The following EBNA1BP2 variants were observed in gnomAD, a reference collection of about 807,000 sequenced individuals.
EBNA1BP2 encodes the protein EBNA1 binding protein 2, also known as probable rRNA-processing protein EBP2.
A neutral mutation model predicts 43.5 loss-of-function variants in EBNA1BP2; 36 were observed. The observed-to-expected ratio is 0.83, with a 90% CI of 0.63 to 1.09. The LOEUF (loss-of-function observed/expected upper bound fraction) is 1.09. Among genes scored for constraint, EBNA1BP2 ranks in the 50% least tolerant of loss-of-function variants. The pLI is 0.00. For synonymous variants in EBNA1BP2, 127 were observed against 141.3 expected (o/e 0.90, Z 0.72); for missense variants, 332 against 379.1 (o/e 0.88, Z 1.03).
chr1:43,166,729 G>A, intron 7 of EBNA1BP2, 97 bp downstream of exon 7: 1 of 1,252,452 alleles, frequency 8.0e-7, no homozygotes, highest in Non-Finnish European at 1.1e-6. Context: ...TGGACTCTAT[G>A]GCTGCGCCGG....
intron 3 of EBNA1BP2, 80 bp downstream of exon 3, chr1:43,171,399 G>T: frequency 6.6e-7 from 1 of 1,516,916 alleles, no homozygotes; most frequent in Non-Finnish European, 8.9e-7. Flanking sequence ...TATTCTGAGT[G>T]CAGACTTACT....
downstream of EBNA1BP2, chr1:43,164,180 G>C (rs1370599707): frequency 4.2e-6 from 2 of 481,672 alleles, no homozygotes; most frequent in Non-Finnish European, 7.5e-6. Flanking sequence ...GAAATGAGAA[G>C]GTGTCAGTTA....
At chr1:43,172,406 G>C (rs1644997601), upstream of EBNA1BP2, 1 of 1,551,486 alleles carries the variant, frequency 6.4e-7, no homozygotes, top group African/African-American at 1.4e-5. Flanking sequence ...CCTACAGGTA[G>C]CGCCTCTGGA....
Position 43,164,511 on chromosome 1 carries a change from C to A in EBNA1BP2, c.871-18G>T. The A allele has an allele frequency of 2.5e-6, 4 of 1,614,136 alleles. No individual in the cohort carries two copies. The highest frequency in any genetic ancestry group is 2.7e-5 in the African/African-American group (2 of 75,032). On this transcript the variant is annotated intron_variant, in intron 8 of 8. Transcript: ENST00000236051. Reference sequence around the variant, plus strand: ...GGTCTCTTCTACAGAAAAAGACATACCACATCTGGTCACATAGCAGCTTGC... The same window carrying A: ...GGTCTCTTCTACAGAAAAAGACATAACACATCTGGTCACATAGCAGCTTGC...
chr1:43,165,848 C>T (rs1237972397), intron 7 of EBNA1BP2, among the ~76,000 whole-genome samples: 1 of 152,196 alleles, frequency 6.6e-6, no homozygotes, highest in Non-Finnish European at 1.5e-5. Flanking sequence ...TACTTCTTCC[C>T]AAACCCAGCT....
intron 7 of EBNA1BP2, among the ~76,000 whole-genome samples, chr1:43,165,925 A>C (rs1397481552): frequency 1.3e-5 from 2 of 152,208 alleles, no homozygotes; most frequent in Non-Finnish European, 2.9e-5. Context: ...ACGCTCCTCC[A>C]GAAATCCACC....
In EBNA1BP2 at chr1:43,171,921, C is replaced by G. The variant is rs1055917335; in HGVS notation, c.115G>C (p.Val39Leu). Residue 39 changes from valine to leucine, a missense_variant, in exon 2 of 9, where the codon GTG (valine) becomes CTG (leucine). Coordinates refer to ENST00000236051, the MANE Select transcript of EBNA1BP2 (RefSeq NM_006824.3). ...RGLLKPGLNV[V>L]LEGPKKAVND... The stretch of plus-strand genomic sequence containing the variant: ...ACGGCCTTCTTCGGCCCCTCTAGCA[C>G]GACATTGAGGCCTGGCTTCAGAAGC... 5 of 1,614,144 alleles carry G rather than the reference C, an allele frequency of 3.1e-6. No homozygotes were observed. Among genetic ancestry groups the G allele is most frequent in the Admixed American group, 3.3e-5 (2 of 60,024 alleles).
Position 43,172,262 on chromosome 1 carries a change from C to A in EBNA1BP2, c.-144G>T, listed in dbSNP as rs1182557028. 5 of 1,554,658 alleles carry A rather than the reference C, an allele frequency of 3.2e-6. No individual in the cohort carries two copies. The highest frequency in any genetic ancestry group is 4.4e-6 in the Non-Finnish European group (5 of 1,148,338). On this transcript the variant is annotated 5_prime_UTR_variant, in exon 1 of 9. Transcript: ENST00000236051. The stretch of plus-strand genomic sequence containing the variant: ...TGGCTCCACGTGCCACCGAATCGCT[C>A]CAGCGCCAGCAACTCACAGCTACTG...
chr1:43,169,673 A>G (rs1644942185), intron 4 of EBNA1BP2, among the ~76,000 whole-genome samples: 1 of 152,216 alleles, frequency 6.6e-6, no homozygotes. Flanking sequence ...GCATTTGCAT[A>G]TAACCTACAC....
intron 7 of EBNA1BP2, among the ~76,000 whole-genome samples, chr1:43,165,390 G>A (rs540219767): frequency 2.6e-5 from 4 of 152,260 alleles, no homozygotes; most frequent in Admixed American, 1.3e-4. Context: ...TGAGGCTGGC[G>A]CTGCTCCCAC....
chr1:43,169,969 G>C (rs1644944460), intron 4 of EBNA1BP2, among the ~76,000 whole-genome samples: 2 of 152,128 alleles, frequency 1.3e-5, no homozygotes, highest in Non-Finnish European at 2.9e-5. Flanking sequence ...ATCTGAGATG[G>C]AACGGTTTCA....
At chr1:43,167,793 T>C (rs990971062) in intron 5 of EBNA1BP2, among the ~76,000 whole-genome samples, 2 of 152,220 alleles carry the variant, frequency 1.3e-5, no homozygotes, top group Non-Finnish European at 2.9e-5. Context: ...ATCTTGATAC[T>C]GCTACAGTGT....
upstream of EBNA1BP2, chr1:43,172,371 G>T: frequency 6.4e-7 from 1 of 1,551,636 alleles, no homozygotes. Flanking sequence ...TACGGCGTTT[G>T]AAAGTGTCCG....
chr1:43,172,222 C>T lies in EBNA1BP2; in HGVS notation c.-104G>A. 6.3e-7 allele frequency: 1 copy of T among 1,578,394 alleles called. No homozygotes were observed. The highest frequency in any genetic ancestry group is 1.1e-5 in the South Asian group (1 of 87,734). On this transcript the variant is annotated 5_prime_UTR_variant, in exon 1 of 9. Transcript: ENST00000236051. ...GGCCGCTGCTGCCTGCCTTCAGCCC[C>T]CTACTCCCACGCCGTGGCTCCACGT...
intron 3 of EBNA1BP2, 109 bp downstream of exon 3, chr1:43,171,370 C>T: frequency 1.5e-6 from 2 of 1,346,758 alleles, no homozygotes; most frequent in Non-Finnish European, 2.0e-6. Context: ...AAAGAAGCCG[C>T]TCTCTCTACT....
At chr1:43,168,291 A>G (rs1010628) in intron 5 of EBNA1BP2, among the ~76,000 whole-genome samples, 30,709 of 152,174 alleles carry the variant, frequency 0.2, 3,595 homozygotes, top group Middle Eastern at 0.29. Flanking sequence ...TAACACCCAC[A>G]CCAATCTTCC....
At position 43,171,570 on chromosome 1, in the gene EBNA1BP2, G is replaced by A. The variant is rs1174087363; in HGVS notation, c.232C>T (p.Pro78Ser). The change falls in exon 3 of 9, where the codon CCG becomes TCG. Residue 78 changes from proline (P) to serine (S), a missense_variant. By Grantham distance (74) the Pro-to-Ser change is moderately conservative. Around this residue, in one of 3 missense-constraint regions of EBNA1BP2, gnomAD observed 182 missense variants for 173.7 expected, o/e 1.05. Transcript: ENST00000236051. Reference sequence around the variant, plus strand: ...GGCGCCTCAGATCCACCGATCTCCGGTACCGGACCCAGTGTCACATCGAGC... The same window carrying A: ...GGCGCCTCAGATCCACCGATCTCCGATACCGGACCCAGTGTCACATCGAGC... ...ERLDVTLGPV[P>S]EIGGSEAPAP... 1.9e-6 allele frequency: 3 copies of A among 1,614,138 alleles called. No individual in the cohort carries two copies. The highest frequency in any genetic ancestry group is 2.5e-6 in the Non-Finnish European group (3 of 1,180,024).
At chr1:43,164,545 C>G (rs759148337) in intron 8 of EBNA1BP2, 52 bp from the exon 9 acceptor site, 2 of 1,613,892 alleles carry the variant, frequency 1.2e-6, no homozygotes, top group Non-Finnish European at 1.7e-6. Flanking sequence ...GCCTTCTGCC[C>G]CAGGGTGAGG....
intron 3 of EBNA1BP2, 111 bp downstream of exon 3, chr1:43,171,368 C>G: frequency 7.5e-7 from 1 of 1,326,242 alleles, no homozygotes; most frequent in Non-Finnish European, 1.0e-6. Context: ...CAAAAGAAGC[C>G]GCTCTCTCTA....
Sources: allele counts gnomAD v4.1 joint callset (sites outside exome capture counted in the v4.1 genomes callset), GRCh38; gene constraint gnomAD v4.1.1; regional missense constraint gnomAD v4.1.1; transcripts MANE v1.5; gene names NCBI Gene and HGNC (gene_info 2026-07-23, HGNC 2026-07-21).